The following KIAA1217 variants were observed in gnomAD, a reference collection of about 807,000 sequenced individuals.
KIAA1217 encodes sickle tail protein homolog.
Under a neutral mutation model 163.9 loss-of-function variants are expected in KIAA1217, and 88 were observed. The observed-to-expected ratio is 0.54, with a 90% CI of 0.45 to 0.64. KIAA1217 has a LOEUF of 0.64. Ranked by LOEUF, KIAA1217 falls within the 30% of genes least tolerant of loss-of-function variation. The pLI, the probability that KIAA1217 is intolerant of heterozygous loss-of-function variation, is 0.00. For synonymous variants in KIAA1217, 903 were observed against 923.1 expected (o/e 0.98, Z 0.39); for missense variants, 2,372 against 2,475.0 (o/e 0.96, Z 0.88).
intron 1 of KIAA1217, among the ~76,000 whole-genome samples, chr10:23,987,021 T>C (rs896763180): frequency 1.3e-5 from 2 of 152,284 alleles, no homozygotes; most frequent in South Asian, 2.1e-4. Flanking sequence ...GCGTTGCCCA[T>C]TCTTTCATGA....
At chr10:24,514,418 C>G (rs1213947699) in intron 10 of KIAA1217, among the ~76,000 whole-genome samples, 1 of 152,088 alleles carries the variant, frequency 6.6e-6, no homozygotes, top group Admixed American at 6.5e-5. Context: ...GCCCTGGATG[C>G]CAACCTAATG....
At chr10:24,325,469 T>C (rs1295085258) in intron 2 of KIAA1217, among the ~76,000 whole-genome samples, 1 of 152,186 alleles carries the variant, frequency 6.6e-6, no homozygotes, top group African/African-American at 2.4e-5. Flanking sequence ...GGTTCCAGCC[T>C]GTCAACCCAC....
chr10:23,726,258 C>T (rs890228940), intron 1 of KIAA1217, among the ~76,000 whole-genome samples: 21 of 146,440 alleles, frequency 1.4e-4, no homozygotes, highest in African/African-American at 5.3e-4. Flanking sequence ...GAGAGTAAAA[C>T]TAATTTGTTT....
At chr10:24,332,094 C>T (rs1429770226) in intron 2 of KIAA1217, among the ~76,000 whole-genome samples, 9 of 152,266 alleles carry the variant, frequency 5.9e-5, no homozygotes, top group Admixed American at 2.6e-4. Context: ...AGTCACGGCA[C>T]GTGATATCAG....
intron 6 of KIAA1217, among the ~76,000 whole-genome samples, chr10:24,488,787 C>T (rs959875305): frequency 6.6e-6 from 1 of 152,122 alleles, no homozygotes; most frequent in Admixed American, 6.5e-5. Context: ...GGCATAGCCT[C>T]GCTTTAAACC....
intron 1 of KIAA1217, among the ~76,000 whole-genome samples, chr10:23,934,193 A>G (rs1392200052): frequency 1.3e-5 from 2 of 152,132 alleles, no homozygotes; most frequent in Non-Finnish European, 2.9e-5. Flanking sequence ...TACACCGTGG[A>G]ATACTATGCA....
At chr10:24,410,285 C>T (rs955819098) in intron 3 of KIAA1217, among the ~76,000 whole-genome samples, 2 of 152,192 alleles carry the variant, frequency 1.3e-5, no homozygotes, top group Non-Finnish European at 2.9e-5. Context: ...TGTGAGTCAC[C>T]ATGCCTGGCC....
At chr10:24,124,650 T>C (rs1021661850) in intron 2 of KIAA1217, among the ~76,000 whole-genome samples, 1 of 152,186 alleles carries the variant, frequency 6.6e-6, no homozygotes, top group African/African-American at 2.4e-5. Context: ...GAAAGTGTTT[T>C]TCATGTTATC....
chr10:24,103,064 C>G (rs1365112095), intron 2 of KIAA1217, among the ~76,000 whole-genome samples: 1 of 152,170 alleles, frequency 6.6e-6, no homozygotes, highest in Non-Finnish European at 1.5e-5. Flanking sequence ...CTCTCCCCAG[C>G]CATGTGGAAC....
chr10:24,271,517 G>A (rs983893927), intron 2 of KIAA1217, among the ~76,000 whole-genome samples: 33 of 152,116 alleles, frequency 2.2e-4, no homozygotes, highest in African/African-American at 7.5e-4. Flanking sequence ...TTGGGAGGCC[G>A]AGGTGGGTAG....
intron 1 of KIAA1217, among the ~76,000 whole-genome samples, chr10:23,986,588 T>G (rs1476048025): frequency 1.3e-5 from 2 of 152,238 alleles, no homozygotes; most frequent in Non-Finnish European, 2.9e-5. Context: ...TTGTTGTTTT[T>G]TTATGAATTT....
chr10:23,987,394 C>T (rs11013829), intron 1 of KIAA1217, among the ~76,000 whole-genome samples: 25,711 of 131,636 alleles, frequency 0.2, 3,026 homozygotes, highest in South Asian at 0.27. Flanking sequence ...AAAAAAAAAG[C>T]CACCCTTCTT....
chr10:24,159,577 A>G (rs1344835282), intron 2 of KIAA1217, among the ~76,000 whole-genome samples: 1 of 151,716 alleles, frequency 6.6e-6, no homozygotes. Flanking sequence ...CAGGAGATCA[A>G]GACCATCCTG....
At chr10:24,355,279 G>A (rs1337082996) in intron 2 of KIAA1217, among the ~76,000 whole-genome samples, 2 of 152,230 alleles carry the variant, frequency 1.3e-5, no homozygotes, top group Non-Finnish European at 2.9e-5. Flanking sequence ...ATTGTCTTCA[G>A]TGGTTTATTA....
rs2069518494 is a variant in KIAA1217 at position 24,513,418 on chromosome 10, ATCG to A, written c.2164_2166del (p.Val722del). 1.2e-6 allele frequency: 2 copies of A among 1,614,162 alleles called. No individual in the cohort carries two copies. On this transcript the variant is annotated inframe_deletion, in exon 10 of 21. Coordinates refer to ENST00000376454, the MANE Select transcript of KIAA1217 (RefSeq NM_019590.5). The stretch of plus-strand genomic sequence containing the variant: ...AAAATATCTTCATGAGGAAGAGAAG[ATCG>A]TCAAGAAGTTGTGGTGAGTGCCAGT...
intron 2 of KIAA1217, among the ~76,000 whole-genome samples, chr10:24,048,770 C>T (rs921787370): frequency 5.3e-5 from 8 of 150,922 alleles, no homozygotes; most frequent in African/African-American, 1.7e-4. Context: ...CAGTGGCTCA[C>T]GCCTGTCATC....
chr10:24,437,906 C>CAAAAAAA (rs58645832), intron 4 of KIAA1217, among the ~76,000 whole-genome samples: 673 of 62,908 alleles, frequency 0.011, no homozygotes, highest in Middle Eastern at 0.022. Context: ...TGTTTGAAGG[C>CAAAAAAA]AAAAAAAAAA....
chr10:24,382,976 T>G (rs951352110), intron 3 of KIAA1217, among the ~76,000 whole-genome samples: 4 of 150,990 alleles, frequency 2.6e-5, no homozygotes, highest in African/African-American at 9.7e-5. Context: ...GCCTTCAGAG[T>G]AGATGGGACT....
At chr10:23,785,269 C>T (rs1028518842) in intron 1 of KIAA1217, among the ~76,000 whole-genome samples, 1 of 152,144 alleles carries the variant, frequency 6.6e-6, no homozygotes, top group African/African-American at 2.4e-5. Context: ...AGTATTCCTT[C>T]TTCCTTTATT....
Sources: gnomAD v4.1 joint callset for allele counts (sites outside exome capture counted in the v4.1 genomes callset) on GRCh38, gnomAD v4.1.1 for gene constraint, MANE v1.5 for transcripts, NCBI Gene and HGNC (gene_info 2026-07-23, HGNC 2026-07-21) for gene names.